The following KIF5C variants were observed in gnomAD, a reference collection of about 807,000 sequenced individuals.
KIF5C encodes the protein kinesin family member 5C.
Under a neutral mutation model 125.2 loss-of-function variants are expected in KIF5C, and 18 were observed. The observed-to-expected ratio is 0.14, with a 90% CI of 0.10 to 0.21. The LOEUF (loss-of-function observed/expected upper bound fraction) is 0.21, where lower values mean the gene tolerates loss of function less well. KIF5C is among the 10% of genes least tolerant of loss of function. KIF5C has a pLI of 1.00. For missense variants in KIF5C, 780 were observed against 1,183.8 expected, an observed-to-expected ratio of 0.66 and a Z score of 5.01; for synonymous variants, 405 against 434.0, an observed-to-expected ratio of 0.93 and a Z score of 0.83.
At chr2:149,018,797 G>A (rs920768477) in intron 25 of KIF5C, among the ~76,000 whole-genome samples, 2 of 152,018 alleles carry the variant, frequency 1.3e-5, no homozygotes, top group Non-Finnish European at 2.9e-5. Context: ...TTGTGTCACT[G>A]CACTCTAGTC....
In KIF5C at chr2:148,876,522, C is replaced by T. The variant is rs970539917; in HGVS notation, c.126+779C>T. Among the ~76,000 whole-genome samples the T allele has an allele frequency of 2.6e-5, 4 of 152,208 alleles. No individual in the cohort carries two copies. The highest frequency in any genetic ancestry group is 9.6e-5 in the African/African-American group (4 of 41,474). On this transcript the variant is annotated intron_variant, in intron 1 of 25. Transcript: ENST00000435030. This position sits in a 1 kb window ranked among gnomAD's most constrained non-coding sequence, Gnocchi z 4.7. Reference sequence around the variant, plus strand: ...TCCACATCTGTGGGGCGAGGGGGCTCAGAGCGCAGTAGCCCCCTGTGCCAA... The same window carrying T: ...TCCACATCTGTGGGGCGAGGGGGCTTAGAGCGCAGTAGCCCCCTGTGCCAA...
At chr2:149,015,835 G>T (rs1682342893) in intron 25 of KIF5C, among the ~76,000 whole-genome samples, 1 of 152,190 alleles carries the variant, frequency 6.6e-6, no homozygotes, top group Admixed American at 6.5e-5. Context: ...GCCTAGCTCT[G>T]TACTTGGTTT....
At chr2:148,950,153 A>C (rs1189480416) in intron 9 of KIF5C, among the ~76,000 whole-genome samples, 161 bp from the exon 10 acceptor site, 1 of 152,216 alleles carries the variant, frequency 6.6e-6, no homozygotes, top group Non-Finnish European at 1.5e-5. Flanking sequence ...GACATAGGTC[A>C]AAGAATGGGC....
chr2:148,962,669 A>T (rs1388400735), intron 11 of KIF5C, among the ~76,000 whole-genome samples: 1 of 152,136 alleles, frequency 6.6e-6, no homozygotes, highest in African/African-American at 2.4e-5. Flanking sequence ...TGGACCAGTG[A>T]TTATCTGCAA....
Position 148,875,589 on chromosome 2 carries a change from C to A in KIF5C, c.-29C>A. The A allele has an allele frequency of 7.9e-7, 1 of 1,258,242 alleles. No individual in the cohort carries two copies. The highest frequency in any genetic ancestry group is 1.1e-6 in the Non-Finnish European group (1 of 888,156). 77.9% of individuals were successfully genotyped at this position (1,258,242 alleles called of 1,614,324 possible). On this transcript the variant is annotated 5_prime_UTR_variant, in exon 1 of 26. Coordinates refer to ENST00000435030, the MANE Select transcript of KIF5C (RefSeq NM_004522.3). ...TCCCGGCCCCGGCCCCCCACCCATC[C>A]CCGTGCCCCCTCCCTACCGCCGGCC... is the stretch of plus-strand genomic sequence containing the variant.
chr2:148,889,432 T>C (rs993634763), intron 1 of KIF5C, among the ~76,000 whole-genome samples: 2 of 152,130 alleles, frequency 1.3e-5, no homozygotes, highest in Admixed American at 6.5e-5. Context: ...CTGGGCTATA[T>C]AGAGGGAGGA....
At chr2:148,894,870 G>A (rs907658615) in intron 1 of KIF5C, among the ~76,000 whole-genome samples, 9 of 150,980 alleles carry the variant, frequency 6.0e-5, no homozygotes, top group Non-Finnish European at 1.3e-4. Context: ...AGGAAGTTAA[G>A]ATTTGGAAAG....
At position 148,923,023 on chromosome 2, in the gene KIF5C, T is replaced by TG. The variant is rs569103652; in HGVS notation, c.217+802dup. Among the ~76,000 whole-genome samples, 530 of 152,334 alleles carry TG rather than the reference T, an allele frequency of 3.5e-3. 7 individuals carry two copies. Among genetic ancestry groups the TG allele is most frequent in the Non-Finnish European group, 5.8e-3 (392 of 68,028 alleles). On this transcript the variant is annotated intron_variant, in intron 2 of 25. Coordinates refer to ENST00000435030, the MANE Select transcript of KIF5C (RefSeq NM_004522.3). ...GGCAGGCTTGCCATCTGGACAGAGC[T>TG]GGGGGGCATCTCCTGCTACTTTGCT...
intron 21 of KIF5C, 46 bp from the exon 22 acceptor site, chr2:149,005,346 AT>A (rs750587707): frequency 6.3e-7 from 1 of 1,598,618 alleles, no homozygotes; most frequent in Non-Finnish European, 8.5e-7. Flanking sequence ...TGTGTCATAA[AT>A]TCAGTGAATT....
chr2:148,917,315 T>C (rs1681595882), intron 1 of KIF5C, among the ~76,000 whole-genome samples: 1 of 152,184 alleles, frequency 6.6e-6, no homozygotes, highest in Non-Finnish European at 1.5e-5. Context: ...TTCATATTAG[T>C]CTTAGCATGT....
intron 18 of KIF5C, chr2:148,997,672 T>A: frequency 3.3e-6 from 1 of 305,542 alleles, no homozygotes; most frequent in Non-Finnish European, 6.0e-6. Context: ...TCCTCCAACC[T>A]TTACGCAGAA....
At chr2:149,007,837 C>G in intron 22 of KIF5C, 126 bp from the exon 23 acceptor site, 5 of 1,095,108 alleles carry the variant, frequency 4.6e-6, no homozygotes, top group Non-Finnish European at 5.9e-6. Flanking sequence ...ACTTTTAGAA[C>G]CTCTATTTTC....
In KIF5C at chr2:148,922,222, T is replaced by A; in HGVS notation, c.212T>A (p.Val71Asp). The change falls in exon 2 of 26, where the codon GTC (valine) becomes GAC (aspartate). Residue 71 changes from valine to aspartate, a missense_variant. By Grantham distance (152) the Val-to-Asp change is radical (BLOSUM62 -3). This residue lies in a region of KIF5C where 207 missense variants were observed against 441.2 expected (regional missense o/e 0.47). Transcript: ENST00000435030. ...TACAATGCATGTGCGAAGCAAATTG[T>A]CAAAGGTAAGTGCTATTTCTTTATT... ...QVYNACAKQIVKDVLEGYNGT... is the reference protein window; with the variant it reads ...QVYNACAKQIDKDVLEGYNGT... 1 of 1,608,268 alleles carries A rather than the reference T, an allele frequency of 6.2e-7. No individual in the cohort carries two copies. The highest frequency in any genetic ancestry group is 8.5e-7 in the Non-Finnish European group (1 of 1,175,378).
chr2:148,954,555 C>T (rs183142045), intron 10 of KIF5C, among the ~76,000 whole-genome samples: 25 of 152,264 alleles, frequency 1.6e-4, no homozygotes, highest in African/African-American at 5.3e-4. Flanking sequence ...GGGGGCAGAC[C>T]AATGTGGTTA....
At chr2:148,987,329 G>A (rs73965238) in intron 15 of KIF5C, among the ~76,000 whole-genome samples, 6 of 152,272 alleles carry the variant, frequency 3.9e-5, no homozygotes, top group African/African-American at 1.4e-4. Flanking sequence ...ACATCAAAGG[G>A]TGAAGCAGAG....
chr2:148,900,351 G>A (rs901755777), intron 1 of KIF5C, among the ~76,000 whole-genome samples: 1 of 152,134 alleles, frequency 6.6e-6, no homozygotes, highest in Non-Finnish European at 1.5e-5. Flanking sequence ...ATCTAGTCAT[G>A]TAGGGAATGC....
At position 148,991,158 on chromosome 2, in the gene KIF5C, G is replaced by A. The variant is rs2105172751; in HGVS notation, c.1865G>A (p.Ser622Asn). 1 of 1,613,936 alleles carries A rather than the reference G, an allele frequency of 6.2e-7. No individual in the cohort carries two copies. The highest frequency in any genetic ancestry group is 1.7e-4 in the Middle Eastern group (1 of 6,054). Residue 622 changes from serine (S) to asparagine (N), a missense_variant, in exon 16 of 26, where the codon AGC (serine) becomes AAC (asparagine). Ser to Asn is a conservative substitution (Grantham distance 46, BLOSUM62 1). Coordinates refer to ENST00000435030, the MANE Select transcript of KIF5C (RefSeq NM_004522.3). ...GACTCCAACAGGAAGATGAATGCCAGCGAGCGGGAGCTGGCAGCCTGCCAG... is the reference window on the plus strand; with the variant it reads ...GACTCCAACAGGAAGATGAATGCCAACGAGCGGGAGCTGGCAGCCTGCCAG... ...QMDSNRKMNA[S>N]ERELAACQLL...
intron 11 of KIF5C, among the ~76,000 whole-genome samples, chr2:148,971,266 ATCTG>A (rs10569710): frequency 0.066 from 9,704 of 146,650 alleles, 467 homozygotes; most frequent in Middle Eastern, 0.14. Flanking sequence ...TGATTAGAAA[ATCTG>A]TCTGTCTGTC....
Position 148,949,906 on chromosome 2 carries a change from C to T in KIF5C, c.782C>T (p.Ala261Val), listed in dbSNP as rs1276203097. The change falls in exon 9 of 26, where the codon GCT becomes GTT. Residue 261 changes from alanine to valine, a missense_variant. Physicochemically the swap from Ala to Val is moderately conservative, Grantham distance 64 (BLOSUM62 0). Around this residue, in one of 2 missense-constraint regions of KIF5C, gnomAD observed 207 missense variants for 441.2 expected, o/e 0.47. Coordinates refer to ENST00000435030, the MANE Select transcript of KIF5C (RefSeq NM_004522.3). The part of the protein sequence containing the change: ...EAKNINKSLS[A>V]LGNVISALAE... Reference sequence around the variant, plus strand: ...AAAAATATCAATAAGTCTTTGTCTGCTCTTGGAAATGTGATCTCTGCTTTG... The same window carrying T: ...AAAAATATCAATAAGTCTTTGTCTGTTCTTGGAAATGTGATCTCTGCTTTG... 1 of 1,613,814 alleles carries T rather than the reference C, an allele frequency of 6.2e-7. No individual in the cohort carries two copies. The highest frequency in any genetic ancestry group is 1.7e-5 in the Admixed American group (1 of 60,004).
Sources: allele counts gnomAD v4.1 joint callset (sites outside exome capture counted in the v4.1 genomes callset), GRCh38; gene constraint gnomAD v4.1.1; regional missense constraint gnomAD v4.1.1; non-coding constraint Gnocchi (gnomAD v3.1); transcripts MANE v1.5; gene names NCBI Gene and HGNC (gene_info 2026-07-23, HGNC 2026-07-21).